Variants in DIAPH3 observed in about 807,000 individuals in gnomAD.
The protein encoded by DIAPH3 is protein diaphanous homolog 3.
DIAPH3 carries 117 observed loss-of-function variants against 144.3 expected under a neutral mutation model. The ratio of observed to expected loss-of-function variants is 0.81; its 90% confidence interval spans 0.70 to 0.95. The LOEUF is 0.95. Among genes scored for constraint, DIAPH3 ranks in the 40% least tolerant of loss-of-function variants. The pLI is 0.00. For missense variants in DIAPH3, 1,421 were observed against 1,412.7 expected, an observed-to-expected ratio of 1.01 and a Z score of -0.09; for synonymous variants, 519 against 488.9, an observed-to-expected ratio of 1.06 and a Z score of -0.81.
Position 59,774,739 on chromosome 13 carries a change from G to A in DIAPH3, c.3248C>T (p.Pro1083Leu), listed in dbSNP as rs376432274. The change falls in exon 26 of 28, where the codon CCG becomes CTG. Residue 1083 changes from proline (P) to leucine (L), a missense_variant. Coordinates refer to ENST00000400324, the MANE Select transcript of DIAPH3 (RefSeq NM_001042517.2). Reference protein sequence around the residue: ...AAFRDRRKRTPMPKDVRQSLS... With the variant: ...AAFRDRRKRTLMPKDVRQSLS... ...AGTATAGGGTTCACCTTTTGGCATC[G>A]GTGTCCTTTTTCTTCTGTCGCGGAA... is the stretch of plus-strand genomic sequence containing the variant. 1.1e-5 allele frequency: 18 copies of A among 1,613,962 alleles called. No individual in the cohort carries two copies. In the East Asian group the frequency reaches 1.3e-4, roughly 12 times the overall value.
At chr13:59,792,042 A>T (rs1332120336) in intron 25 of DIAPH3, among the ~76,000 whole-genome samples, 2 of 152,114 alleles carry the variant, frequency 1.3e-5, no homozygotes, top group African/African-American at 4.8e-5. Flanking sequence ...ATTAGCATGA[A>T]CAATCTCTCT....
intron 25 of DIAPH3, 48 bp downstream of exon 25, chr13:59,810,740 T>A: frequency 6.3e-7 from 1 of 1,591,874 alleles, no homozygotes; most frequent in Non-Finnish European, 8.6e-7. Flanking sequence ...GCAGCCCATA[T>A]AAATCTTAAG....
chr13:60,093,825 T>C (rs1450331160), intron 3 of DIAPH3, 93 bp from the exon 4 acceptor site: 2 of 817,892 alleles, frequency 2.4e-6, no homozygotes, highest in African/African-American at 3.4e-5. Flanking sequence ...AATTTGTGAC[T>C]AAAGCAGCAT....
chr13:59,864,408 T>C (rs930591193), intron 21 of DIAPH3, among the ~76,000 whole-genome samples: 1 of 152,084 alleles, frequency 6.6e-6, no homozygotes, highest in Non-Finnish European at 1.5e-5. Flanking sequence ...CTGTTCCTAC[T>C]CTGAATTCTC....
intron 27 of DIAPH3, among the ~76,000 whole-genome samples, chr13:59,746,584 A>T (rs1346995607): frequency 6.6e-6 from 1 of 152,118 alleles, no homozygotes; most frequent in Admixed American, 6.6e-5. Flanking sequence ...TTGGAACTTG[A>T]TATTAAAAGG....
chr13:59,925,365 C>T (rs188480203), intron 17 of DIAPH3, among the ~76,000 whole-genome samples: 124 of 152,114 alleles, frequency 8.2e-4, no homozygotes, highest in Non-Finnish European at 1.4e-3. Context: ...TTTTATTGAT[C>T]GTGAATGTTG....
At chr13:60,067,163 T>C (rs1036448033) in intron 4 of DIAPH3, among the ~76,000 whole-genome samples, 2 of 151,860 alleles carry the variant, frequency 1.3e-5, no homozygotes, top group Admixed American at 6.6e-5. Flanking sequence ...CATATGCCTG[T>C]AGTCCCAGCT....
chr13:59,995,264 A>G (rs1001299573), intron 9 of DIAPH3, among the ~76,000 whole-genome samples: 1 of 151,906 alleles, frequency 6.6e-6, no homozygotes, highest in Non-Finnish European at 1.5e-5. Flanking sequence ...AATGAGAACC[A>G]AAAGTGAGAT....
chr13:59,903,962 T>C (rs1014653359), intron 20 of DIAPH3, among the ~76,000 whole-genome samples: 8 of 152,172 alleles, frequency 5.3e-5, no homozygotes, highest in African/African-American at 1.7e-4. Context: ...GACTGTGACT[T>C]GTAAAATAAC....
At chr13:59,667,759 G>T (rs1278772376) in intron 27 of DIAPH3, among the ~76,000 whole-genome samples, 1 of 152,126 alleles carries the variant, frequency 6.6e-6, no homozygotes, top group East Asian at 1.9e-4. Flanking sequence ...CTTGAATGGG[G>T]CTTGAAAATG....
At chr13:59,692,104 C>T (rs2033554811) in intron 27 of DIAPH3, among the ~76,000 whole-genome samples, 1 of 120,324 alleles carries the variant, frequency 8.3e-6, no homozygotes, top group Non-Finnish European at 1.8e-5. Flanking sequence ...TTTTTAATTA[C>T]TTGGTACAGA....
At chr13:60,053,851 TA>T (rs201501992) in intron 4 of DIAPH3, among the ~76,000 whole-genome samples, 4 of 150,742 alleles carry the variant, frequency 2.7e-5, no homozygotes, top group Admixed American at 2.0e-4. Context: ...ATAATAAATG[TA>T]AAAAAAAACT....
At chr13:60,001,950 C>T (rs758099549) in intron 9 of DIAPH3, among the ~76,000 whole-genome samples, 12 of 152,162 alleles carry the variant, frequency 7.9e-5, no homozygotes, top group Non-Finnish European at 1.0e-4. Flanking sequence ...AGTGACACCA[C>T]ATCAGCCCTG....
chr13:60,118,071 G>A (rs1437566907), intron 2 of DIAPH3, among the ~76,000 whole-genome samples: 1 of 152,086 alleles, frequency 6.6e-6, no homozygotes, highest in East Asian at 1.9e-4. Flanking sequence ...TCATTAATAT[G>A]GCTTTGACTG....
At chr13:59,969,911 C>A (rs774961390) in intron 17 of DIAPH3, 33 bp downstream of exon 17, 112 of 1,345,318 alleles carry the variant, frequency 8.3e-5, no homozygotes, top group Middle Eastern at 8.2e-4. Flanking sequence ...ATTCTAAAAT[C>A]AAATTAATAA....
intron 4 of DIAPH3, among the ~76,000 whole-genome samples, chr13:60,088,353 A>G (rs1010489770): frequency 6.6e-6 from 1 of 152,132 alleles, no homozygotes. Flanking sequence ...ACAAAGGACC[A>G]GACATCTTTT....
intron 17 of DIAPH3, among the ~76,000 whole-genome samples, chr13:59,965,580 T>C (rs1166577034): frequency 2.0e-5 from 3 of 152,112 alleles, no homozygotes; most frequent in African/African-American, 7.2e-5. Context: ...AGCATTATTT[T>C]GATGATACCA....
chr13:60,134,207 C>A (rs979795850), intron 1 of DIAPH3, among the ~76,000 whole-genome samples: 1 of 152,202 alleles, frequency 6.6e-6, no homozygotes, highest in Admixed American at 6.5e-5. Flanking sequence ...ATTAGCCACA[C>A]CACTAGGCTC....
rs952679794 is a variant in DIAPH3 at position 59,921,866 on chromosome 13, T to C, written c.2170+2909A>G. Among the ~76,000 whole-genome samples, 4 of 152,028 alleles carry C rather than the reference T, an allele frequency of 2.6e-5. No individual in the cohort carries two copies. In the East Asian group the frequency reaches 7.7e-4, roughly 29 times the overall value. Reference sequence around the variant, plus strand: ...AAAAAGATCATTCACCATGATTAAATGGGATTCATTCCAGAGATGCAAGGA... The same window carrying C: ...AAAAAGATCATTCACCATGATTAAACGGGATTCATTCCAGAGATGCAAGGA... On this transcript the variant is annotated intron_variant, in intron 18 of 27. Transcript: ENST00000400324.
Sources: allele counts gnomAD v4.1 joint callset (sites outside exome capture counted in the v4.1 genomes callset), GRCh38; gene constraint gnomAD v4.1.1; transcripts MANE v1.5; gene names NCBI Gene and HGNC (gene_info 2026-07-23, HGNC 2026-07-21).